Variants in FBXO17 observed in about 807,000 individuals in gnomAD.
The protein encoded by FBXO17 is F-box protein 17, also known as F-box only protein 17.
In FBXO17, 43 loss-of-function variants were observed where a neutral mutation model predicts 34.1. The observed-to-expected ratio is 1.26, with a 90% CI of 0.99 to 1.62. The LOEUF (loss-of-function observed/expected upper bound fraction) is 1.62, where lower values mean the gene tolerates loss of function less well. Ranked by LOEUF, FBXO17 falls within the 40% of genes most tolerant of loss-of-function variation. The probability of loss-of-function intolerance (pLI) is 0.00; values close to 1 mark genes in which losing one functional copy is unlikely to be tolerated. For synonymous variants in FBXO17, 169 were observed against 166.0 expected, an observed-to-expected ratio of 1.02 and a Z score of -0.14; for missense variants, 424 against 386.7, an observed-to-expected ratio of 1.10 and a Z score of -0.81.
chr19:38,943,257 C>T (rs1450254913), intron 5 of FBXO17, among the ~76,000 whole-genome samples: 3 of 150,902 alleles, frequency 2.0e-5, no homozygotes, highest in Admixed American at 6.6e-5. Context: ...ATAAAATTTT[C>T]GTAAAACAAA....
chr19:38,968,332 T>G (rs575150980), intron 1 of FBXO17, among the ~76,000 whole-genome samples: 1 of 150,800 alleles, frequency 6.6e-6, no homozygotes, highest in South Asian at 2.1e-4. Flanking sequence ...AAAAAAAAGT[T>G]GAACATGGCT....
At chr19:38,944,331 C>A (rs1445846018) in intron 5 of FBXO17, among the ~76,000 whole-genome samples, 1 of 151,586 alleles carries the variant, frequency 6.6e-6, no homozygotes, top group East Asian at 1.9e-4. Flanking sequence ...GCAGTGGGAC[C>A]AACTGGGCTC....
At chr19:38,947,523 GC>G (rs1431812673) in intron 3 of FBXO17, 1 of 152,048 alleles carries the variant, frequency 6.6e-6, no homozygotes, top group African/African-American at 2.4e-5. Context: ...GGAGGCAGAG[GC>G]TGCAGTGAGC....
chr19:38,954,725 G>A lies in FBXO17; in HGVS notation c.-17-4389C>T, dbSNP rs1471595354. ...CTCCTGAGTAGCTGGGATTATAGGC[G>A]CCCGCCACCACACCTGGCTAATTTT... On this transcript the variant is annotated intron_variant, in intron 1 of 5. Transcript: ENST00000292852. Among the ~76,000 whole-genome samples, 5 of 138,514 alleles carry A rather than the reference G, an allele frequency of 3.6e-5. No individual in the cohort carries two copies. The East Asian group carries it at 6.5e-4, about 18-fold the overall frequency. The allele number at this position is 138,514 out of a possible 152,430, so 90.9% of individuals were successfully genotyped here.
intron 1 of FBXO17, among the ~76,000 whole-genome samples, chr19:38,955,000 G>A (rs1781615169): frequency 2.0e-5 from 3 of 148,654 alleles, no homozygotes; most frequent in South Asian, 4.3e-4. Context: ...GTGCGATGTC[G>A]GCTCACTGCA....
At chr19:38,967,821 C>T (rs1975340447) in intron 1 of FBXO17, among the ~76,000 whole-genome samples, 2 of 152,066 alleles carry the variant, frequency 1.3e-5, no homozygotes, top group South Asian at 4.1e-4. Context: ...CTTCCTTGAC[C>T]TCTCAAAGTG....
chr19:38,974,301 T>A (rs1348843049), intron 1 of FBXO17, among the ~76,000 whole-genome samples: 1 of 151,698 alleles, frequency 6.6e-6, no homozygotes, highest in African/African-American at 2.4e-5. Flanking sequence ...TGGTCTTGAA[T>A]TCCTGACCTC....
chr19:38,961,721 G>T (rs1477077723), intron 1 of FBXO17, among the ~76,000 whole-genome samples: 16 of 151,992 alleles, frequency 1.1e-4, no homozygotes, highest in Admixed American at 1.1e-3. Flanking sequence ...GAGTGCAGGG[G>T]CGCGATTTCG....
chr19:38,942,682 C>T lies in FBXO17; in HGVS notation c.763G>A (p.Val255Met), dbSNP rs376624346. 117 of 1,602,794 alleles carry T rather than the reference C, an allele frequency of 7.3e-5. No individual in the cohort carries two copies. Among genetic ancestry groups the T allele is most frequent in the Middle Eastern group, 1.7e-4 (1 of 6,054 alleles). ...CCATAGTGCCCCACCCAGGAACTCA[C>T]GTCTCTCCCGTACTGCTCAAAAGAT... Reference protein sequence around the residue: ...YVSFEQYGRDVSSWVGHYGAL... With the variant: ...YVSFEQYGRDMSSWVGHYGAL... Residue 255 changes from valine (V) to methionine (M), a missense_variant, in exon 6 of 6, where the codon GTG becomes ATG. Transcript: ENST00000292852.
At chr19:38,973,749 G>A (rs915297157) in intron 1 of FBXO17, among the ~76,000 whole-genome samples, 3 of 151,924 alleles carry the variant, frequency 2.0e-5, no homozygotes, top group African/African-American at 4.8e-5. Context: ...TGGCCAAGAC[G>A]AGCAGATGGC....
chr19:38,970,057 C>T (rs2144844891), intron 1 of FBXO17, among the ~76,000 whole-genome samples: 1 of 152,082 alleles, frequency 6.6e-6, no homozygotes, highest in African/African-American at 2.4e-5. Context: ...CACTGTAGCA[C>T]ATACAAATAA....
At chr19:38,959,674 T>G (rs1240356946) in intron 1 of FBXO17, among the ~76,000 whole-genome samples, 1 of 152,032 alleles carries the variant, frequency 6.6e-6, no homozygotes, top group Non-Finnish European at 1.5e-5. Flanking sequence ...GAGGATCGCT[T>G]GAACCCGGGG....
intron 1 of FBXO17, among the ~76,000 whole-genome samples, chr19:38,959,162 G>A (rs1015160056): frequency 1.3e-4 from 19 of 151,312 alleles, no homozygotes; most frequent in Non-Finnish European, 2.7e-4. Context: ...CTGTCGCCTT[G>A]GCCTCCCAAA....
rs1975447417 is a variant in FBXO17 at position 38,975,385 on chromosome 19, T to C, written c.-18+201A>G. Among the ~76,000 whole-genome samples the C allele has an allele frequency of 6.6e-6, 1 of 152,178 alleles. No individual in the cohort carries two copies. The highest frequency in any genetic ancestry group is 2.4e-5 in the African/African-American group (1 of 41,444). Reference sequence around the variant, plus strand: ...AGATTTAGGGCTTTCTAACGTGCATTTGTATAACTTTGGGTTTAAAGGAGC... The same window carrying C: ...AGATTTAGGGCTTTCTAACGTGCATCTGTATAACTTTGGGTTTAAAGGAGC... On this transcript the variant is annotated intron_variant, in intron 1 of 5. Coordinates refer to ENST00000292852, the MANE Select transcript of FBXO17 (RefSeq NM_024907.7). This position sits in a 1 kb window ranked among gnomAD's most constrained non-coding sequence, Gnocchi z 4.9.
Position 38,950,052 on chromosome 19 carries a change from C to G in FBXO17, c.268G>C (p.Glu90Gln). The change falls in exon 2 of 6, where the codon GAG (glutamate) becomes CAG (glutamine). Residue 90 changes from glutamate to glutamine, a missense_variant. By Grantham distance (29) the Glu-to-Gln change is conservative. Coordinates refer to ENST00000292852, the MANE Select transcript of FBXO17 (RefSeq NM_024907.7). ...CGCGCCAGGGCGCACAGCGGGAACT[C>G]CTCCTTGTCTTCGTTGCTGGGCAGG... is the stretch of plus-strand genomic sequence containing the variant. ...RCLPSNEDKE[E>Q]FPLCALARYC... 6.4e-7 allele frequency: 1 copy of G among 1,568,790 alleles called. No homozygotes were observed. Among genetic ancestry groups the G allele is most frequent in the African/African-American group, 1.4e-5 (1 of 73,746 alleles).
At chr19:38,966,295 G>GTGTGTGTGTGTGTGTT (rs1975320454) in intron 1 of FBXO17, among the ~76,000 whole-genome samples, 1 of 116,512 alleles carries the variant, frequency 8.6e-6, no homozygotes, top group Non-Finnish European at 1.7e-5. Context: ...TAAAAATTTT[G>GTGTGTGTGTGTGTGTT]TGTGTGTGTG....
In FBXO17 at chr19:38,946,710, A is replaced by T. The variant is rs1297233941; in HGVS notation, c.462-143T>A. The T allele has an allele frequency of 2.2e-4, 249 of 1,154,652 alleles. 1 individual carries two copies. The East Asian group carries it at 6.1e-3, about 28-fold the overall frequency. The allele number at this position is 1,154,652 out of a possible 1,614,324, so 71.5% of individuals were successfully genotyped here. A position where few individuals can be genotyped will look rare whatever the true frequency, so the allele number is the denominator to read the frequency against. On this transcript the variant is annotated intron_variant, in intron 3 of 5. Transcript: ENST00000292852. ...TTTGCTCTAGCAGACCTGAAGATGC[A>T]TGATGGGCTATACATCTCTCCTTGG... is the stretch of plus-strand genomic sequence containing the variant.
chr19:38,954,505 G>A (rs979163093), intron 1 of FBXO17, among the ~76,000 whole-genome samples: 6 of 150,872 alleles, frequency 4.0e-5, no homozygotes, highest in Non-Finnish European at 7.4e-5. Flanking sequence ...CCCGAACTCA[G>A]GTAATCCACC....
chr19:38,967,026 T>A (rs1270908485), intron 1 of FBXO17, among the ~76,000 whole-genome samples: 1 of 152,164 alleles, frequency 6.6e-6, no homozygotes, highest in African/African-American at 2.4e-5. Context: ...AAAACTATGA[T>A]TCATAAAAGA....
Sources: allele counts gnomAD v4.1 joint callset (sites outside exome capture counted in the v4.1 genomes callset), GRCh38; gene constraint gnomAD v4.1.1; non-coding constraint Gnocchi (gnomAD v3.1); transcripts MANE v1.5; gene names NCBI Gene and HGNC (gene_info 2026-07-23, HGNC 2026-07-21).